Variants in AQP12B observed in about 807,000 individuals in gnomAD.
AQP12B encodes the protein putative aquaporin-12B.
In AQP12B, 8 loss-of-function variants were observed where a neutral mutation model predicts 11.5. The ratio of observed to expected loss-of-function variants is 0.70; its 90% CI spans 0.41 to 1.26. The LOEUF is 1.26. Among genes scored for constraint, AQP12B ranks in the 50% most tolerant of loss-of-function variants. The probability of loss-of-function intolerance (pLI) is 0.01; values close to 1 mark genes in which losing one functional copy is unlikely to be tolerated. For synonymous variants in AQP12B, 123 were observed against 158.0 expected (o/e 0.78, Z 1.66); for missense variants, 247 against 322.0 (o/e 0.77, Z 1.78).
In AQP12B at chr2:240,682,601, G is replaced by A. The variant is rs764528780; in HGVS notation, c.237C>T (p.Leu79=). 20 of 1,612,258 alleles carry A rather than the reference G, an allele frequency of 1.2e-5. No individual in the cohort carries two copies. In the East Asian group the frequency reaches 4.0e-4, roughly 32 times the overall value. The change falls in exon 1 of 3, where the codon CTC becomes CTT. Residue 79 remains leucine (L), a synonymous_variant. Transcript: ENST00000407834. Reference sequence around the variant, plus strand: ...CCAAGGTGACCCCGTGCGCCAGGAAGAGCAGGAAGAGCAGGGTGAGCAGCA... The same window carrying A: ...CCAAGGTGACCCCGTGCGCCAGGAAAAGCAGGAAGAGCAGGGTGAGCAGCA... ...PDLLLTLLFL[L]FLAHGVTLDG...
At position 240,682,391 on chromosome 2, in the gene AQP12B, C is replaced by G. The variant is rs2043936258; in HGVS notation, c.447G>C (p.Gln149His). The G allele has an allele frequency of 3.2e-6, 5 of 1,581,092 alleles. No homozygotes were observed. In the Admixed American group the frequency reaches 8.6e-5, roughly 27 times the overall value. Residue 149 changes from glutamine to histidine, a missense_variant, in exon 1 of 3, where the codon CAG becomes CAC. This residue lies in a region of AQP12B where 26 missense variants were observed against 48.3 expected (regional missense o/e 0.54). Coordinates refer to ENST00000407834, the MANE Select transcript of AQP12B (RefSeq NM_001102467.2). ...DLHLLQSLMA[Q>H]SCSSALRTSV... ...ATGTGCGCAGGGCCGAGCTGCAGCT[C>G]TGGGCCATGAGGCTCTGCAGCAGGT...
At position 240,682,379 on chromosome 2, in the gene AQP12B, C is replaced by G. The variant is rs750252764; in HGVS notation, c.459G>C (p.Ser153=). 1.2e-5 allele frequency: 18 copies of G among 1,540,030 alleles called. No individual in the cohort carries two copies. In the East Asian group the frequency reaches 2.9e-4, roughly 25 times the overall value. ...CGTGGGGCACGGATGTGCGCAGGGC[C>G]GAGCTGCAGCTCTGGGCCATGAGGC... The part of the protein sequence containing the change: ...LQSLMAQSCS[S]ALRTSVPHGA... The change falls in exon 1 of 3, where the codon TCG becomes TCC. Residue 153 remains serine, a synonymous_variant. Transcript: ENST00000407834.
Position 240,682,706 on chromosome 2 carries a change from C to T in AQP12B, c.132G>A (p.Ala44=), listed in dbSNP as rs543814740. ...CCAGGAAGCAGGCCCCGAGCTGCAC[C>T]GCGCCCACCGCCTCCCGGGCGAAGA... The part of the protein sequence containing the change: ...YEVFAREAVG[A]VQLGACFLEM... The change falls in exon 1 of 3, where the codon GCG becomes GCA. Residue 44 remains alanine (A), a synonymous_variant. Transcript: ENST00000407834. The T allele has an allele frequency of 1.5e-5, 24 of 1,613,498 alleles. No homozygotes were observed. Among genetic ancestry groups the T allele is most frequent in the South Asian group, 7.7e-5 (7 of 91,000 alleles).
Position 240,682,541 on chromosome 2 carries a change from C to G in AQP12B, c.297G>C (p.Gln99His), listed in dbSNP as rs562375271. 1.7e-5 allele frequency: 28 copies of G among 1,613,208 alleles called. 1 individual carries two copies. The Admixed American group carries it at 4.5e-4, about 26-fold the overall frequency. The change falls in exon 1 of 3, where the codon CAG becomes CAC. Residue 99 changes from glutamine to histidine, a missense_variant. Around this residue, in one of 4 missense-constraint regions of AQP12B, gnomAD observed 206 missense variants for 173.2 expected, o/e 1.19. Transcript: ENST00000407834. ...GASANPTVSL[Q>H]EFLMAEESLP... ...GAGACTCCTCGGCCATGAGGAACTC[C>G]TGCAGGGACACGGTGGGGTTGGCCG...
chr2:240,683,450 C>G (rs1414245288), upstream of AQP12B, among the ~76,000 whole-genome samples: 3 of 151,664 alleles, frequency 2.0e-5, no homozygotes, highest in Admixed American at 2.0e-4. Context: ...AGGTGAAGCT[C>G]CCTCCTGCCT....
At position 240,682,751 on chromosome 2, in the gene AQP12B, G is replaced by A. The variant is rs1292635523; in HGVS notation, c.87C>T (p.Leu29=). 1.9e-6 allele frequency: 3 copies of A among 1,612,958 alleles called. No homozygotes were observed. Among genetic ancestry groups the A allele is most frequent in the Non-Finnish European group, 2.5e-6 (3 of 1,179,650 alleles). ...CGAAGACTTCATAGGCGCCCACTGG[G>A]AGCAGGGCCTTGGAGGCCCGCCTGG... is the stretch of plus-strand genomic sequence containing the variant. ...EAARRASKAL[L]PVGAYEVFAR... is the part of the protein sequence containing the mutation. Residue 29 remains leucine, a synonymous_variant, in exon 1 of 3, where the codon CTC becomes CTT. Transcript: ENST00000407834.
chr2:240,682,170 C>T, intron 1 of AQP12B, 61 bp downstream of exon 1: 1 of 795,798 alleles, frequency 1.3e-6, no homozygotes, highest in African/African-American at 1.9e-5. Flanking sequence ...CCTGAGTGTG[C>T]ATGGAGGCCA....
upstream of AQP12B, among the ~76,000 whole-genome samples, chr2:240,683,398 G>T (rs1286624281): frequency 1.5e-5 from 2 of 137,874 alleles, no homozygotes; most frequent in African/African-American, 5.0e-5. Flanking sequence ...GTCCGCCTGG[G>T]AGGCCCCTCA....
At chr2:240,683,651 G>T (rs866050494), upstream of AQP12B, among the ~76,000 whole-genome samples, 49 of 146,854 alleles carry the variant, frequency 3.3e-4, no homozygotes, top group Middle Eastern at 0.025. Flanking sequence ...CCTGCCTGGG[G>T]TCTGGTCTGG....
Position 240,682,852 on chromosome 2 carries a change from C to G in AQP12B, c.-15G>C, listed in dbSNP as rs376529999. ...AGACCTGCCATCGGCCTGGGCCCCC[C>G]GAGATGCTGTGCCTGCAGGACACCT... On this transcript the variant is annotated 5_prime_UTR_variant, in exon 1 of 3. Coordinates refer to ENST00000407834, the MANE Select transcript of AQP12B (RefSeq NM_001102467.2). 71 of 1,569,046 alleles carry G rather than the reference C, an allele frequency of 4.5e-5. 10 individuals carry two copies. Among genetic ancestry groups the G allele is most frequent in the East Asian group, 5.0e-5 (2 of 39,904 alleles).
rs770100523 is a variant in AQP12B at position 240,682,411 on chromosome 2, G to A, written c.427C>T (p.Leu143=). 2.5e-6 allele frequency: 4 copies of A among 1,595,842 alleles called. No homozygotes were observed. In the African/African-American group the frequency reaches 5.4e-5, roughly 21 times the overall value. ...CAGCTCTGGGCCATGAGGCTCTGCA[G>A]CAGGTGCAGGTCACTGAGCTCCCAG... ...WAWELSDLHL[L]QSLMAQSCSS... Residue 143 remains leucine, a synonymous_variant, in exon 1 of 3, where the codon CTG becomes TTG. Coordinates refer to ENST00000407834, the MANE Select transcript of AQP12B (RefSeq NM_001102467.2).
upstream of AQP12B, among the ~76,000 whole-genome samples, chr2:240,683,529 G>A (rs1474613464): frequency 6.6e-6 from 1 of 152,022 alleles, no homozygotes; most frequent in African/African-American, 2.4e-5. Flanking sequence ...CCCCAGCTAG[G>A]CCAGGCCCCC....
In AQP12B at chr2:240,682,617, G is replaced by A. The variant is rs184125501; in HGVS notation, c.221C>T (p.Thr74Ile). ...AGDFGPDLLL[T>I]LLFLLFLAHG... Reference sequence around the variant, plus strand: ...CGCCAGGAAGAGCAGGAAGAGCAGGGTGAGCAGCAGGTCAGGCCCAAAGTC... The same window carrying A: ...CGCCAGGAAGAGCAGGAAGAGCAGGATGAGCAGCAGGTCAGGCCCAAAGTC... Residue 74 changes from threonine to isoleucine, a missense_variant, in exon 1 of 3, where the codon ACC (threonine) becomes ATC (isoleucine). Around this residue, in one of 4 missense-constraint regions of AQP12B, gnomAD observed 206 missense variants for 173.2 expected, o/e 1.19. Coordinates refer to ENST00000407834, the MANE Select transcript of AQP12B (RefSeq NM_001102467.2). 3 of 1,613,302 alleles carry A rather than the reference G, an allele frequency of 1.9e-6. No individual in the cohort carries two copies. The highest frequency in any genetic ancestry group is 1.7e-5 in the Admixed American group (1 of 60,014).
At chr2:240,683,142 C>A (rs1243249327), upstream of AQP12B, among the ~76,000 whole-genome samples, 1 of 151,032 alleles carries the variant, frequency 6.6e-6, no homozygotes, top group Non-Finnish European at 1.5e-5. Flanking sequence ...GAGCCTCCAT[C>A]CGAGCTCCGC....
chr2:240,682,490 C>T lies in AQP12B; in HGVS notation c.348G>A (p.Ala116=), dbSNP rs374319991. ...ESLPGTLLKL[A]AQGLGMQAAC... ...CGGCCTGCATGCCCAGCCCCTGTGC[C>T]GCCAGCTTCAGCAGCGTGCCAGGCA... The change falls in exon 1 of 3, where the codon GCG becomes GCA. Residue 116 remains alanine (A), a synonymous_variant. Transcript: ENST00000407834. The T allele has an allele frequency of 4.5e-5, 73 of 1,611,830 alleles. No homozygotes were observed. The African/African-American group carries it at 7.1e-4, about 16-fold the overall frequency.
chr2:240,682,525 C>G lies in AQP12B; in HGVS notation c.313G>C (p.Glu105Gln), dbSNP rs368097369. Residue 105 changes from glutamate to glutamine, a missense_variant, in exon 1 of 3, where the codon GAG becomes CAG. Physicochemically the swap from Glu to Gln is conservative, Grantham distance 29. Coordinates refer to ENST00000407834, the MANE Select transcript of AQP12B (RefSeq NM_001102467.2). ...TVSLQEFLMAEESLPGTLLKL... is the reference protein window; with the variant it reads ...TVSLQEFLMAQESLPGTLLKL... Reference sequence around the variant, plus strand: ...AGCAGCGTGCCAGGCAGAGACTCCTCGGCCATGAGGAACTCCTGCAGGGAC... The same window carrying G: ...AGCAGCGTGCCAGGCAGAGACTCCTGGGCCATGAGGAACTCCTGCAGGGAC... 1 of 1,612,906 alleles carries G rather than the reference C, an allele frequency of 6.2e-7. No individual in the cohort carries two copies. The highest frequency in any genetic ancestry group is 8.5e-7 in the Non-Finnish European group (1 of 1,179,766).
At position 240,682,491 on chromosome 2, in the gene AQP12B, G is replaced by A. The variant is rs190367401; in HGVS notation, c.347C>T (p.Ala116Val). ...ESLPGTLLKL[A>V]AQGLGMQAAC... ...GGCCTGCATGCCCAGCCCCTGTGCC[G>A]CCAGCTTCAGCAGCGTGCCAGGCAG... The change falls in exon 1 of 3, where the codon GCG becomes GTG. Residue 116 changes from alanine (A) to valine (V), a missense_variant. Ala to Val is a moderately conservative substitution (Grantham distance 64). Around this residue, in one of 4 missense-constraint regions of AQP12B, gnomAD observed 206 missense variants for 173.2 expected, o/e 1.19. Coordinates refer to ENST00000407834, the MANE Select transcript of AQP12B (RefSeq NM_001102467.2). 35,586 of 1,611,692 alleles carry A rather than the reference G, an allele frequency of 0.022. 494 individuals carry two copies. Among genetic ancestry groups the A allele is most frequent in the Non-Finnish European group, 0.024 (28,833 of 1,179,578 alleles).
At chr2:240,683,093 C>G (rs565251530), upstream of AQP12B, among the ~76,000 whole-genome samples, 1 of 151,342 alleles carries the variant, frequency 6.6e-6, no homozygotes, top group Non-Finnish European at 1.5e-5. Context: ...TGGCCACGCT[C>G]GGCCAGCCCT....
Position 240,682,621 on chromosome 2 carries a change from G to A in AQP12B, c.217C>T (p.Leu73Phe), listed in dbSNP as rs566733461. The A allele has an allele frequency of 1.9e-6, 3 of 1,613,466 alleles. No homozygotes were observed. The Admixed American group carries it at 5.0e-5, about 27-fold the overall frequency. Residue 73 changes from leucine to phenylalanine, a missense_variant, in exon 1 of 3, where the codon CTC (leucine) becomes TTC (phenylalanine). Transcript: ENST00000407834. ...AGGAAGAGCAGGAAGAGCAGGGTGA[G>A]CAGCAGGTCAGGCCCAAAGTCCCCA... ...WAGDFGPDLL[L>F]TLLFLLFLAH...
Sources: allele counts gnomAD v4.1 joint callset (sites outside exome capture counted in the v4.1 genomes callset), GRCh38; gene constraint gnomAD v4.1.1; regional missense constraint gnomAD v4.1.1; transcripts MANE v1.5; gene names NCBI Gene and HGNC (gene_info 2026-07-23, HGNC 2026-07-21).